Variants in TSACC observed in about 807,000 individuals in gnomAD.
TSACC encodes the protein TSSK6 activating cochaperone, also known as TSSK6-activating co-chaperone protein.
In TSACC, 3 loss-of-function variants were observed where a neutral mutation model predicts 6.9. The observed-to-expected ratio is 0.43, with a 90% CI of 0.20 to 1.12. The LOEUF (loss-of-function observed/expected upper bound fraction) is 1.12, where lower values mean the gene tolerates loss of function less well. Among genes scored for constraint, TSACC ranks in the 50% most tolerant of loss-of-function variants. The pLI is 0.28. For synonymous variants in TSACC, 54 were observed against 55.1 expected (o/e 0.98, Z 0.09); for missense variants, 137 against 143.9 (o/e 0.95, Z 0.24).
intron 2 of TSACC, among the ~76,000 whole-genome samples, chr1:156,340,090 T>G (rs1337415845): frequency 1.3e-5 from 2 of 152,206 alleles, no homozygotes; most frequent in African/African-American, 4.8e-5. Context: ...GCCTTCTGAC[T>G]CCAGAGCCTA....
chr1:156,339,532 A>G, intron 1 of TSACC, 102 bp from the exon 2 acceptor site: 1 of 512,876 alleles, frequency 1.9e-6, no homozygotes, highest in Non-Finnish European at 3.5e-6. Flanking sequence ...ACTAAAGGAA[A>G]ACTGTTTTCC....
At chr1:156,344,861 T>C (rs1054883162) in intron 3 of TSACC, among the ~76,000 whole-genome samples, 153 bp downstream of exon 3, 7 of 152,244 alleles carry the variant, frequency 4.6e-5, no homozygotes, top group Non-Finnish European at 8.8e-5. Flanking sequence ...TTTAGTTTCA[T>C]TGATATCATT....
intron 1 of TSACC, among the ~76,000 whole-genome samples, chr1:156,339,382 C>A (rs570868344): frequency 1.3e-5 from 2 of 151,976 alleles, no homozygotes; most frequent in Admixed American, 6.6e-5. Flanking sequence ...TTTAAAATTA[C>A]CATTCGGGAT....
intron 3 of TSACC, among the ~76,000 whole-genome samples, chr1:156,346,516 A>G (rs1666189528): frequency 6.6e-6 from 1 of 152,212 alleles, no homozygotes; most frequent in African/African-American, 2.4e-5. Flanking sequence ...AAAATATGCC[A>G]TATGACCATA....
chr1:156,338,277 C>T, upstream of TSACC: 1 of 1,312,862 alleles, frequency 7.6e-7, no homozygotes, highest in Non-Finnish European at 1.1e-6. Context: ...GAAAACGCTG[C>T]CTCCTCAGGG....
chr1:156,344,040 G>T (rs991643352), intron 2 of TSACC, among the ~76,000 whole-genome samples: 3 of 151,908 alleles, frequency 2.0e-5, no homozygotes, highest in African/African-American at 7.3e-5. Flanking sequence ...GTGCCCAGCC[G>T]CTTCTCAAGT....
In TSACC at chr1:156,338,531, G is replaced by A; in HGVS notation, c.-199G>A. On this transcript the variant is annotated 5_prime_UTR_variant, in exon 1 of 4. Transcript: ENST00000368254. ...GCAGGCGCCAAGGCTCTGGCAGTTG[G>A]CCAGCACACCACTACGCATGTGTGT... 8.4e-6 allele frequency: 4 copies of A among 475,948 alleles called. No homozygotes were observed. The South Asian group carries it at 1.0e-4, about 12-fold the overall frequency. 29.5% of individuals were successfully genotyped at this position (475,948 alleles called of 1,614,324 possible).
intron 3 of TSACC, 27 bp from the exon 4 acceptor site, chr1:156,346,741 G>C (rs781343107): frequency 6.2e-7 from 1 of 1,606,566 alleles, no homozygotes; most frequent in Non-Finnish European, 8.5e-7. Context: ...TTGTTCCCTT[G>C]CACCTCCGTT....
upstream of TSACC, chr1:156,337,551 C>T (rs1665468021): frequency 6.1e-6 from 1 of 164,466 alleles, no homozygotes; most frequent in African/African-American, 2.4e-5. Context: ...ATCAGTGAGG[C>T]AAGTACGGTT....
At position 156,344,706 on chromosome 1, in the gene TSACC, C is replaced by G; in HGVS notation, c.161C>G (p.Ser54Trp). ...AACATCCAGACAACAAAGCTGCCCT[C>G]GGGTAAGGATGTAGGGAGGGTTTTC... ...FLNIQTTKLP[S>W]VDHKPKECLG... Residue 54 changes from serine to tryptophan, a missense_variant and splice_region_variant, in exon 3 of 4, where the codon TCG becomes TGG. Physicochemically the swap from Ser to Trp is radical, Grantham distance 177 (BLOSUM62 -3). Transcript: ENST00000368254. The G allele has an allele frequency of 6.2e-7, 1 of 1,613,708 alleles. No individual in the cohort carries two copies. The highest frequency in any genetic ancestry group is 2.2e-5 in the East Asian group (1 of 44,878).
upstream of TSACC, chr1:156,337,540 G>GATCA (rs777889482): frequency 4.8e-5 from 8 of 168,056 alleles, no homozygotes; most frequent in Non-Finnish European, 1.0e-4. Context: ...TTACATCTAA[G>GATCA]ATCAGTGAGG....
intron 2 of TSACC, 72 bp from the exon 3 acceptor site, chr1:156,344,508 C>T: frequency 6.4e-7 from 1 of 1,552,644 alleles, no homozygotes. Context: ...TTTCATGGAC[C>T]AGGTGCAGGG....
chr1:156,338,076 G>A, upstream of TSACC: 4 of 1,486,786 alleles, frequency 2.7e-6, no homozygotes, highest in Admixed American at 5.9e-5. Context: ...AGTGGGGGAC[G>A]GAGCTGGGGC....
intron 1 of TSACC, 59 bp from the exon 2 acceptor site, chr1:156,339,575 G>GT (rs1285079553): frequency 3.0e-6 from 2 of 663,098 alleles, no homozygotes; most frequent in East Asian, 5.7e-5. Flanking sequence ...AGCACCAACA[G>GT]TTCAAGAACA....
In TSACC at chr1:156,339,746, G is replaced by A. The variant is rs1224975136; in HGVS notation, c.-12G>A. 1 of 1,614,110 alleles carries A rather than the reference G, an allele frequency of 6.2e-7. No homozygotes were observed. The highest frequency in any genetic ancestry group is 8.5e-7 in the Non-Finnish European group (1 of 1,179,972). On this transcript the variant is annotated 5_prime_UTR_variant, in exon 2 of 4. Coordinates refer to ENST00000368254, the MANE Select transcript of TSACC (RefSeq NM_001304817.2). ...TGATTCTTTCCCAGGCACCACACCTGTTGGTGTTCAGATGGAGCGGCACAC... is the reference window on the plus strand; with the variant it reads ...TGATTCTTTCCCAGGCACCACACCTATTGGTGTTCAGATGGAGCGGCACAC...
intron 1 of TSACC, chr1:156,338,851 C>G (rs1275129224): frequency 6.5e-6 from 1 of 153,798 alleles, no homozygotes; most frequent in Non-Finnish European, 1.5e-5. Context: ...TTTATCGCCT[C>G]TGGACTAATG....
upstream of TSACC, chr1:156,337,375 C>T: frequency 1.0e-5 from 2 of 192,130 alleles, no homozygotes; most frequent in Admixed American, 5.8e-5. Context: ...GCCACTGCAA[C>T]CCAGCCTGGG....
chr1:156,344,748 G>C, intron 3 of TSACC, 40 bp downstream of exon 3: 1 of 1,603,332 alleles, frequency 6.2e-7, no homozygotes, highest in Non-Finnish European at 8.5e-7. Context: ...ACTCAACAGG[G>C]GGAAGGGTTG....
At position 156,344,569 on chromosome 1, in the gene TSACC, C is replaced by T. The variant is rs111931692; in HGVS notation, c.35-11C>T. The T allele has an allele frequency of 6.2e-7, 1 of 1,612,444 alleles. No individual in the cohort carries two copies. Among genetic ancestry groups the T allele is most frequent in the Non-Finnish European group, 8.5e-7 (1 of 1,179,520 alleles). On this transcript the variant is annotated splice_polypyrimidine_tract_variant and intron_variant, in intron 2 of 3. Coordinates refer to ENST00000368254, the MANE Select transcript of TSACC (RefSeq NM_001304817.2). ...TTGGAATGAGCTCTGATTTAGTTAT[C>T]TCTGATTTAGTTCCAGCCAAAGAGG...
Sources: allele counts gnomAD v4.1 joint callset (sites outside exome capture counted in the v4.1 genomes callset), GRCh38; gene constraint gnomAD v4.1.1; transcripts MANE v1.5; gene names NCBI Gene and HGNC (gene_info 2026-07-23, HGNC 2026-07-21).